Variants in ARID1A observed in about 807,000 individuals in gnomAD.
The protein encoded by ARID1A is AT-rich interaction domain 1A, also known as AT-rich interactive domain-containing protein 1A.
ARID1A carries 20 observed loss-of-function variants against 212.6 expected under a neutral mutation model. That is an observed-to-expected ratio of 0.09 (90% CI 0.07 to 0.14). The LOEUF is 0.14. ARID1A is among the 10% of genes least tolerant of loss of function. The probability of loss-of-function intolerance (pLI) is 1.00; values close to 1 mark genes in which losing one functional copy is unlikely to be tolerated. For missense variants in ARID1A, 2,587 were observed against 3,059.0 expected (o/e 0.85, Z 3.64); for synonymous variants, 1,376 against 1,222.1 (o/e 1.13, Z -2.63).
rs2124103664 is a variant in ARID1A, at chr1:26,772,498, A to G, written c.3407-2A>G. ...CTACTCAACTTGTATCTCTGTCCAC[A>G]GCGGGATCAGGATCTATGCAGGGGC... On this transcript the variant is annotated splice_acceptor_variant, in intron 12 of 19. Coordinates refer to ENST00000324856, the MANE Select transcript of ARID1A (RefSeq NM_006015.6). LOFTEE classifies it high-confidence loss of function. The G allele has an allele frequency of 6.2e-7, 1 of 1,614,206 alleles. No individual in the cohort carries two copies. Among genetic ancestry groups the G allele is most frequent in the Non-Finnish European group, 8.5e-7 (1 of 1,180,042 alleles).
chr1:26,751,696 G>GAAT (rs1480214628), intron 4 of ARID1A, among the ~76,000 whole-genome samples: 1 of 152,122 alleles, frequency 6.6e-6, no homozygotes, highest in African/African-American at 2.4e-5. Flanking sequence ...CTTTCAAAAG[G>GAAT]AATATATAAA....
intron 6 of ARID1A, among the ~76,000 whole-genome samples, chr1:26,761,762 A>G (rs1476703982): frequency 6.6e-6 from 1 of 152,212 alleles, no homozygotes; most frequent in East Asian, 1.9e-4. Flanking sequence ...TTGTGAAGTT[A>G]GAGTGGGCTT....
chr1:26,746,927 G>GGAGGCT (rs1397665325), intron 4 of ARID1A, among the ~76,000 whole-genome samples: 1 of 152,090 alleles, frequency 6.6e-6, no homozygotes, highest in South Asian at 2.1e-4. Context: ...CAGCTACTTG[G>GGAGGCT]GAGGCTGAGG....
At position 26,731,208 on chromosome 1, in the gene ARID1A, A is replaced by G. The variant is rs377016928; in HGVS notation, c.1407A>G (p.Pro469=). ...GGTATGGTCAACAGGGCCAGACTCC[A>G]TATTACAACCAGCAAAGTCCTCACC... is the stretch of plus-strand genomic sequence containing the variant. ...PSGYGQQGQT[P]YYNQQSPHPQ... Residue 469 remains proline (P), a synonymous_variant, in exon 3 of 20, where the codon CCA becomes CCG. Coordinates refer to ENST00000324856, the MANE Select transcript of ARID1A (RefSeq NM_006015.6). The G allele has an allele frequency of 1.4e-5, 22 of 1,613,922 alleles. No individual in the cohort carries two copies. The highest frequency in any genetic ancestry group is 1.8e-5 in the Non-Finnish European group (21 of 1,179,996).
rs774010894 is a variant in ARID1A at position 26,775,264 on chromosome 1, C to CAA, written c.4993+45_4993+46insAA. 147 of 1,527,648 alleles carry CAA rather than the reference C, an allele frequency of 9.6e-5. 2 individuals carry two copies. The Middle Eastern group carries it at 7.0e-3, about 73-fold the overall frequency. 94.6% of individuals were successfully genotyped at this position (1,527,648 alleles called of 1,614,324 possible). ...TTCGGTTGCCTAATCTGCCCCTTTCCATCTTGTCCATTGTTCCCTCCACCT... is the reference window on the plus strand; with the variant it reads ...TTCGGTTGCCTAATCTGCCCCTTTCCAAATCTTGTCCATTGTTCCCTCCACCT... On this transcript the variant is annotated intron_variant, in intron 18 of 19. Transcript: ENST00000324856.
At chr1:26,753,322 A>T (rs759169508) in intron 4 of ARID1A, 1 of 152,324 alleles carries the variant, frequency 6.6e-6, no homozygotes, top group African/African-American at 2.4e-5. Flanking sequence ...GTTTGTTAGC[A>T]GAGCCTGACA....
At chr1:26,775,484 T>TA in intron 18 of ARID1A, 93 bp from the exon 19 acceptor site, 3 of 1,542,490 alleles carry the variant, frequency 1.9e-6, no homozygotes, top group Non-Finnish European at 1.7e-6. Flanking sequence ...CACCTTGTGT[T>TA]ATCTTCAGAG....
chr1:26,751,177 C>A (rs1170596989), intron 4 of ARID1A, among the ~76,000 whole-genome samples: 1 of 151,890 alleles, frequency 6.6e-6, no homozygotes, highest in Non-Finnish European at 1.5e-5. Flanking sequence ...ATCACTAGAA[C>A]CTGGGAGGCG....
rs528406081 is a variant in ARID1A at position 26,708,565 on chromosome 1, C to T, written c.1137+11025C>T. Among the ~76,000 whole-genome samples the T allele has an allele frequency of 4.6e-3, 682 of 147,382 alleles. 1 individual carries two copies. Among genetic ancestry groups the T allele is most frequent in the South Asian group, 7.4e-3 (34 of 4,610 alleles). ...TCCCAAAGTGCTGGGATTACAGGTG[C>T]GAGCCACCGCACCCAGCCAGAGTCT... On this transcript the variant is annotated intron_variant, in intron 1 of 19. Transcript: ENST00000324856.
At chr1:26,697,596 C>T (rs2080285419) in intron 1 of ARID1A, 56 bp downstream of exon 1, 11 of 1,270,118 alleles carry the variant, frequency 8.7e-6, no homozygotes, top group African/African-American at 3.1e-5. Flanking sequence ...GGGTGGGTGG[C>T]GGCTGCGGTG....
rs182795900 is a variant in ARID1A at position 26,780,156 on chromosome 1, C to T, written c.6258C>T (p.Asp2086=). Residue 2086 remains aspartate, a synonymous_variant, in exon 20 of 20, where the codon GAC becomes GAT. Coordinates refer to ENST00000324856, the MANE Select transcript of ARID1A (RefSeq NM_006015.6). This position sits in a 1 kb window ranked among gnomAD's most constrained non-coding sequence, Gnocchi z 7.2. ...AGAGCATTTGCCTGCCTGTCCTGGA[C>T]GGACTCCTACACTGGGCAGTTTGCC... ...YPESICLPVL[D]GLLHWAVCPS... 5.0e-5 allele frequency: 81 copies of T among 1,614,168 alleles called. No homozygotes were observed. Among genetic ancestry groups the T allele is most frequent in the African/African-American group, 8.0e-5 (6 of 75,030 alleles).
chr1:26,729,913 A>G lies in ARID1A; in HGVS notation c.1350+50A>G, dbSNP rs1223330351. On this transcript the variant is annotated intron_variant, in intron 2 of 19. Coordinates refer to ENST00000324856, the MANE Select transcript of ARID1A (RefSeq NM_006015.6). ...GACCCTTGTTGCTGTCCAAAATCTG[A>G]TCTGTGAGCTATAGAATCAGAATGT... is the stretch of plus-strand genomic sequence containing the variant. 3 of 1,581,744 alleles carry G rather than the reference A, an allele frequency of 1.9e-6. No homozygotes were observed. The African/African-American group carries it at 4.0e-5, about 21-fold the overall frequency.
chr1:26,724,656 TG>T (rs1236226733), intron 1 of ARID1A, among the ~76,000 whole-genome samples: 2 of 152,218 alleles, frequency 1.3e-5, no homozygotes, highest in Non-Finnish European at 2.9e-5. Context: ...AAGTCTAGTC[TG>T]TTATTTCAGC....
chr1:26,780,789 T>TGTGC lies in ARID1A; in HGVS notation c.*37_*40dup, dbSNP rs2081185580. 1.3e-6 allele frequency: 2 copies of TGTGC among 1,528,470 alleles called. No individual in the cohort carries two copies. Among genetic ancestry groups the TGTGC allele is most frequent in the South Asian group, 2.5e-5 (2 of 81,194 alleles). The allele number at this position is 1,528,470 out of a possible 1,614,324, so 94.7% of individuals were successfully genotyped here. On this transcript the variant is annotated 3_prime_UTR_variant, in exon 20 of 20. Transcript: ENST00000324856. The surrounding 1 kb of genome is among the most constrained non-coding windows in gnomAD (Gnocchi z 7.2). ...GGGACACCTCCCCCCCCCGTGTGTGTGTGCGTGTGTGGAGAACTTAGAAAC... is the reference window on the plus strand; with the variant it reads ...GGGACACCTCCCCCCCCCGTGTGTGTGTGCGTGCGTGTGTGGAGAACTTAGAAAC...
chr1:26,736,106 C>T (rs1202587754), intron 4 of ARID1A, among the ~76,000 whole-genome samples: 1 of 151,750 alleles, frequency 6.6e-6, no homozygotes, highest in Non-Finnish European at 1.5e-5. Flanking sequence ...GGGCAGATCA[C>T]GAGGTCAGGA....
In ARID1A at chr1:26,697,443, C is replaced by G. The variant is rs1165246380; in HGVS notation, c.1040C>G (p.Ala347Gly). The G allele has an allele frequency of 2.2e-6, 3 of 1,356,130 alleles. No individual in the cohort carries two copies. The highest frequency in any genetic ancestry group is 2.8e-6 in the Non-Finnish European group (3 of 1,065,170). 84.0% of individuals were successfully genotyped at this position (1,356,130 alleles called of 1,614,324 possible). The change falls in exon 1 of 20, where the codon GCG becomes GGG. Residue 347 changes from alanine to glycine, a missense_variant. This residue lies in a region of ARID1A where 735 missense variants were observed against 590.6 expected (regional missense o/e 1.24). Transcript: ENST00000324856. ...WGAAAAAAAA[A>G]AASGGAQQRS... ...GCTGCGGCGGCGGCAGCTGCGGCGG[C>G]GGCCGCCTCGGGAGGGGCCCAACAA... is the stretch of plus-strand genomic sequence containing the variant.
At chr1:26,718,128 C>A (rs1156355108) in intron 1 of ARID1A, among the ~76,000 whole-genome samples, 1 of 152,148 alleles carries the variant, frequency 6.6e-6, no homozygotes, top group Non-Finnish European at 1.5e-5. Flanking sequence ...GCATGCACCA[C>A]CACGCCCAGC....
intron 19 of ARID1A, among the ~76,000 whole-genome samples, chr1:26,776,494 C>T (rs1470548056): frequency 6.6e-6 from 1 of 151,844 alleles, no homozygotes; most frequent in African/African-American, 2.4e-5. Flanking sequence ...AGGATGGTCT[C>T]GATCTCCTGA....
intron 1 of ARID1A, among the ~76,000 whole-genome samples, chr1:26,715,604 G>T (rs1341994093): frequency 2.6e-5 from 4 of 152,164 alleles, no homozygotes; most frequent in African/African-American, 9.7e-5. Context: ...GTACCATCAG[G>T]ATTTCCTAGA....
Sources: gnomAD v4.1 joint callset for allele counts (sites outside exome capture counted in the v4.1 genomes callset) on GRCh38, gnomAD v4.1.1 for gene constraint, gnomAD v4.1.1 regional missense constraint, Gnocchi (gnomAD v3.1) non-coding constraint, MANE v1.5 for transcripts, NCBI Gene and HGNC (gene_info 2026-07-23, HGNC 2026-07-21) for gene names.